GRHL2: variants seen among roughly 807,000 people sequenced by gnomAD.
GRHL2 encodes the protein grainyhead-like protein 2 homolog.
A neutral mutation model predicts 83.8 loss-of-function variants in GRHL2; 21 were observed. The observed-to-expected ratio is 0.25, with a 90% CI of 0.18 to 0.36. The LOEUF (loss-of-function observed/expected upper bound fraction) is 0.36. GRHL2 is among the 10% of genes least tolerant of loss of function. The pLI, the probability that GRHL2 is intolerant of heterozygous loss-of-function variation, is 1.00. For missense variants in GRHL2, 623 were observed against 781.8 expected (o/e 0.80, Z 2.42); for synonymous variants, 280 against 278.9 (o/e 1.00, Z -0.04).
chr8:101,606,335 G>A (rs1812633860), intron 8 of GRHL2, among the ~76,000 whole-genome samples: 2 of 152,170 alleles, frequency 1.3e-5, no homozygotes, highest in Non-Finnish European at 2.9e-5. Flanking sequence ...TGCAAAGTGA[G>A]GAGACATGTT....
At chr8:101,563,549 T>G (rs779895292) in intron 4 of GRHL2, among the ~76,000 whole-genome samples, 1 of 152,146 alleles carries the variant, frequency 6.6e-6, no homozygotes, top group African/African-American at 2.4e-5. Context: ...GTGATGAAAG[T>G]GACATATGAT....
At chr8:101,607,787 G>A (rs978527230) in intron 8 of GRHL2, among the ~76,000 whole-genome samples, 4 of 152,110 alleles carry the variant, frequency 2.6e-5, no homozygotes, top group Admixed American at 6.5e-5. Flanking sequence ...TGGAGTCTTT[G>A]GTATTGAACT....
chr8:101,551,753 A>G (rs975658574), intron 2 of GRHL2, among the ~76,000 whole-genome samples: 1 of 150,030 alleles, frequency 6.7e-6, no homozygotes, highest in Admixed American at 6.7e-5. Flanking sequence ...AGACGATTAG[A>G]TGATGGTCAG....
At chr8:101,576,548 A>G (rs1235972460) in intron 6 of GRHL2, among the ~76,000 whole-genome samples, 1 of 152,174 alleles carries the variant, frequency 6.6e-6, no homozygotes, top group Non-Finnish European at 1.5e-5. Context: ...ATGAGAGTCC[A>G]TGAAATATTT....
chr8:101,597,913 G>C (rs933794750), intron 7 of GRHL2, among the ~76,000 whole-genome samples: 1 of 152,068 alleles, frequency 6.6e-6, no homozygotes, highest in African/African-American at 2.4e-5. Context: ...TGGATTGCCA[G>C]ATGAAATACA....
At chr8:101,523,832 A>C (rs906482956) in intron 1 of GRHL2, among the ~76,000 whole-genome samples, 45 of 152,180 alleles carry the variant, frequency 3.0e-4, no homozygotes, top group African/African-American at 9.9e-4. Flanking sequence ...AAAACCACTA[A>C]ATAAAGACAA....
downstream of GRHL2, among the ~76,000 whole-genome samples, chr8:101,671,174 A>C (rs1301052924): frequency 6.6e-6 from 1 of 152,198 alleles, no homozygotes; most frequent in Non-Finnish European, 1.5e-5. Context: ...CAGTGGGTGC[A>C]GGACAGTAGG....
At chr8:101,588,016 G>A (rs987099100) in intron 7 of GRHL2, among the ~76,000 whole-genome samples, 2 of 152,198 alleles carry the variant, frequency 1.3e-5, no homozygotes, top group Non-Finnish European at 2.9e-5. Context: ...CCAAAATAAG[G>A]TAAAGCTAAT....
chr8:101,595,521 T>A (rs1812374332), intron 7 of GRHL2, among the ~76,000 whole-genome samples: 1 of 152,230 alleles, frequency 6.6e-6, no homozygotes, highest in Non-Finnish European at 1.5e-5. Context: ...TCTTTTAGAA[T>A]AATTAGCTAT....
the GRHL2 span, among the ~76,000 whole-genome samples, chr8:101,677,684 G>A: frequency 3.3e-5 from 5 of 152,018 alleles, no homozygotes; most frequent in Non-Finnish European, 7.4e-5. Context: ...ACTATACAAT[G>A]TCAGCCATTT....
chr8:101,536,930 A>G (rs1156895398), intron 1 of GRHL2, among the ~76,000 whole-genome samples: 1 of 139,204 alleles, frequency 7.2e-6, no homozygotes. Flanking sequence ...CCCTCCCCTC[A>G]CCCCCCGCCC....
At chr8:101,499,439 T>TG (rs907977208) in intron 1 of GRHL2, among the ~76,000 whole-genome samples, 5 of 149,920 alleles carry the variant, frequency 3.3e-5, no homozygotes, top group South Asian at 2.1e-4. Context: ...GTCACTTTCC[T>TG]GGTTTTTTTT....
chr8:101,624,416 T>G (rs372283363), intron 9 of GRHL2, among the ~76,000 whole-genome samples: 232 of 88,164 alleles, frequency 2.6e-3, no homozygotes, highest in Middle Eastern at 0.02. Flanking sequence ...ACAGTTCACA[T>G]TACACAGTAG....
At chr8:101,520,201 T>G (rs1810655040) in intron 1 of GRHL2, among the ~76,000 whole-genome samples, 1 of 152,212 alleles carries the variant, frequency 6.6e-6, no homozygotes, top group Non-Finnish European at 1.5e-5. Flanking sequence ...AAGACAGAGG[T>G]GGAGTCCAAC....
At chr8:101,614,041 G>A (rs1488225908) in intron 8 of GRHL2, among the ~76,000 whole-genome samples, 1 of 151,072 alleles carries the variant, frequency 6.6e-6, no homozygotes, top group African/African-American at 2.5e-5. Flanking sequence ...TTAATGGAAA[G>A]CTCTCAGAAA....
At chr8:101,593,925 C>T (rs1812336047) in intron 7 of GRHL2, among the ~76,000 whole-genome samples, 1 of 151,694 alleles carries the variant, frequency 6.6e-6, no homozygotes, top group Non-Finnish European at 1.5e-5. Flanking sequence ...AAAAATTAGC[C>T]AGGCATGGTG....
At chr8:101,562,298 C>T (rs568437222) in intron 4 of GRHL2, 28 of 612,328 alleles carry the variant, frequency 4.6e-5, no homozygotes, top group Admixed American at 1.2e-4. Flanking sequence ...AATTATACGC[C>T]GTAAGCCCTT....
chr8:101,639,793 C>T (rs1813361102), intron 12 of GRHL2, among the ~76,000 whole-genome samples: 1 of 152,244 alleles, frequency 6.6e-6, no homozygotes, highest in Non-Finnish European at 1.5e-5. Flanking sequence ...TAAGGAGTGC[C>T]AGCTTCGCTG....
At chr8:101,620,266 G>A (rs561045302) in intron 9 of GRHL2, among the ~76,000 whole-genome samples, 13 of 152,232 alleles carry the variant, frequency 8.5e-5, no homozygotes, top group African/African-American at 3.1e-4. Context: ...CATCACATTG[G>A]GAATTGGGAG....
Sources: allele counts gnomAD v4.1 joint callset (sites outside exome capture counted in the v4.1 genomes callset), GRCh38; gene constraint gnomAD v4.1.1; transcripts MANE v1.5; gene names NCBI Gene and HGNC (gene_info 2026-07-23, HGNC 2026-07-21).